The following NOL4 variants were observed in gnomAD, a reference collection of about 807,000 sequenced individuals.
The protein encoded by NOL4 is cancer/testis antigen 125.
A neutral mutation model predicts 75.9 loss-of-function variants in NOL4; 17 were observed. That is an observed-to-expected ratio of 0.22 (90% CI 0.15 to 0.34). The LOEUF is 0.34. NOL4 is among the 10% of genes least tolerant of loss of function. The pLI, the probability that NOL4 is intolerant of heterozygous loss-of-function variation, is 1.00. For synonymous variants in NOL4, 292 were observed against 289.9 expected (o/e 1.01, Z -0.07); for missense variants, 614 against 793.5 (o/e 0.77, Z 2.72).
At chr18:33,913,065 T>C (rs1316494246) in intron 9 of NOL4, among the ~76,000 whole-genome samples, 1 of 152,122 alleles carries the variant, frequency 6.6e-6, no homozygotes, top group Non-Finnish European at 1.5e-5. Flanking sequence ...TTTGTATGTA[T>C]AGGTAAACTT....
intron 2 of NOL4, among the ~76,000 whole-genome samples, chr18:34,106,756 A>T (rs944557201): frequency 6.6e-6 from 1 of 151,876 alleles, no homozygotes; most frequent in African/African-American, 2.4e-5. Context: ...TTCTGTTTTT[A>T]CAGAGGGAAT....
At chr18:33,857,280 A>T (rs548465151) in intron 10 of NOL4, among the ~76,000 whole-genome samples, 1 of 152,038 alleles carries the variant, frequency 6.6e-6, no homozygotes, top group Admixed American at 6.6e-5. Flanking sequence ...GTATGTGCTC[A>T]GAAAATATAT....
intron 1 of NOL4, among the ~76,000 whole-genome samples, chr18:34,130,303 T>G (rs892509333): frequency 6.6e-6 from 1 of 152,046 alleles, no homozygotes; most frequent in Non-Finnish European, 1.5e-5. Flanking sequence ...TTTGTTGCCA[T>G]CAGTACGATT....
intron 10 of NOL4, among the ~76,000 whole-genome samples, chr18:33,865,250 T>C (rs1320121628): frequency 6.6e-6 from 1 of 152,160 alleles, no homozygotes; most frequent in African/African-American, 2.4e-5. Context: ...GTCCTTTATA[T>C]TAAATGGCAC....
chr18:33,957,305 G>A, intron 8 of NOL4, 21 bp downstream of exon 8: 1 of 1,597,438 alleles, frequency 6.3e-7, no homozygotes, highest in Middle Eastern at 1.7e-4. Context: ...GTCTAGGGCT[G>A]TGTTTTAATT....
chr18:34,023,000 G>A (rs1436073499), intron 5 of NOL4, among the ~76,000 whole-genome samples: 2 of 151,986 alleles, frequency 1.3e-5, no homozygotes, highest in Non-Finnish European at 2.9e-5. Context: ...TTTTTAGATG[G>A]AGTAGTTCAC....
chr18:34,110,870 A>C (rs2079554344), intron 2 of NOL4, among the ~76,000 whole-genome samples: 1 of 152,156 alleles, frequency 6.6e-6, no homozygotes, highest in Non-Finnish European at 1.5e-5. Context: ...AAATCAGCTG[A>C]ATGTTTATAG....
At chr18:34,120,548 C>A (rs117415716) in intron 2 of NOL4, among the ~76,000 whole-genome samples, 2,196 of 152,178 alleles carry the variant, frequency 0.014, 15 homozygotes, top group Middle Eastern at 0.034. Context: ...GTCAAATTTA[C>A]AATAAAAGTA....
intron 5 of NOL4, among the ~76,000 whole-genome samples, chr18:34,064,945 ACAC>A (rs529554826): frequency 1.7e-5 from 1 of 58,880 alleles, no homozygotes; most frequent in African/African-American, 4.6e-5. Flanking sequence ...ACACACACAC[ACAC>A]ACACATCATA....
chr18:33,904,396 G>A (rs2065911462), intron 9 of NOL4, among the ~76,000 whole-genome samples: 1 of 151,860 alleles, frequency 6.6e-6, no homozygotes, highest in Admixed American at 6.6e-5. Context: ...TTGGCCAAGG[G>A]AGCCCCAGAA....
chr18:34,211,439 A>T (rs190811433), intron 1 of NOL4, among the ~76,000 whole-genome samples: 5 of 152,170 alleles, frequency 3.3e-5, no homozygotes, highest in Admixed American at 3.3e-4. Flanking sequence ...AATTAGGTCA[A>T]TTGGGTAGAG....
At chr18:34,205,734 T>C (rs2036078801) in intron 1 of NOL4, among the ~76,000 whole-genome samples, 1 of 152,082 alleles carries the variant, frequency 6.6e-6, no homozygotes, top group South Asian at 2.1e-4. Flanking sequence ...GATTAGCAGA[T>C]AACCAAGACC....
intron 9 of NOL4, among the ~76,000 whole-genome samples, chr18:33,884,526 C>T (rs946582596): frequency 6.6e-6 from 1 of 151,842 alleles, no homozygotes; most frequent in African/African-American, 2.4e-5. Context: ...AATAGCAATA[C>T]AGATTGAATT....
chr18:34,095,527 C>T (rs553098619), intron 4 of NOL4, among the ~76,000 whole-genome samples: 1 of 152,144 alleles, frequency 6.6e-6, no homozygotes, highest in East Asian at 1.9e-4. Context: ...GATATGCTAC[C>T]TTAAGCAAGT....
At chr18:34,179,019 T>C (rs1252978812) in intron 1 of NOL4, among the ~76,000 whole-genome samples, 1 of 151,556 alleles carries the variant, frequency 6.6e-6, no homozygotes, top group East Asian at 1.9e-4. Flanking sequence ...ATAATGAAAT[T>C]AGACATCAAC....
At chr18:34,129,768 A>G (rs1016273714) in intron 2 of NOL4, 103 bp downstream of exon 2, 8 of 1,124,462 alleles carry the variant, frequency 7.1e-6, no homozygotes, top group Non-Finnish European at 9.6e-6. Flanking sequence ...GGCCTAATTT[A>G]TGTTGAAGAT....
At chr18:33,893,662 C>T (rs1182625585) in intron 9 of NOL4, among the ~76,000 whole-genome samples, 2 of 152,048 alleles carry the variant, frequency 1.3e-5, no homozygotes, top group Non-Finnish European at 2.9e-5. Flanking sequence ...CTTTCTCTGC[C>T]TTTAAAGATC....
At chr18:34,193,856 T>C (rs543672364) in intron 1 of NOL4, among the ~76,000 whole-genome samples, 1 of 152,172 alleles carries the variant, frequency 6.6e-6, no homozygotes, top group African/African-American at 2.4e-5. Flanking sequence ...GATGAATGGA[T>C]AAAGAAAATG....
chr18:34,068,171 C>T (rs1388587697), intron 5 of NOL4, among the ~76,000 whole-genome samples: 1 of 152,082 alleles, frequency 6.6e-6, no homozygotes, highest in Non-Finnish European at 1.5e-5. Flanking sequence ...AGAAGCAGAC[C>T]TGCTACAGAG....
Sources: allele counts gnomAD v4.1 joint callset (sites outside exome capture counted in the v4.1 genomes callset), GRCh38; gene constraint gnomAD v4.1.1; transcripts MANE v1.5; gene names NCBI Gene and HGNC (gene_info 2026-07-23, HGNC 2026-07-21).